The following CSTPP1 variants were observed in gnomAD, a reference collection of about 807,000 sequenced individuals.
The protein encoded by CSTPP1 is centriolar satellite-associated tubulin polyglutamylase complex regulator 1, also known as UPF0705 protein C11orf49.
At chr11:47,038,662 G>A in the CSTPP1 span, among the ~76,000 whole-genome samples, 2 of 122,936 alleles carry the variant, frequency 1.6e-5, no homozygotes, top group East Asian at 4.5e-4. Flanking sequence ...CGGACGGGGT[G>A]GCTGGCCGGG....
the CSTPP1 span, among the ~76,000 whole-genome samples, chr11:47,060,249 T>C: frequency 8.4e-6 from 1 of 119,312 alleles, no homozygotes; most frequent in Non-Finnish European, 1.7e-5. Context: ...ATTCTTTCTC[T>C]TTTCTTTTCT....
chr11:47,015,534 C>T, the CSTPP1 span, among the ~76,000 whole-genome samples: 1 of 151,882 alleles, frequency 6.6e-6, no homozygotes, highest in African/African-American at 2.4e-5. Flanking sequence ...ATATCAGAAA[C>T]TCCAGGCCCA....
the CSTPP1 span, among the ~76,000 whole-genome samples, chr11:47,074,897 G>A: frequency 1.3e-5 from 2 of 152,134 alleles, no homozygotes; most frequent in East Asian, 3.9e-4. Flanking sequence ...TTTTTAGTGT[G>A]TCCTCTGTGC....
chr11:46,977,292 A>T, the CSTPP1 span, among the ~76,000 whole-genome samples: 1 of 152,184 alleles, frequency 6.6e-6, no homozygotes, highest in Non-Finnish European at 1.5e-5. Context: ...CCAGGAATGG[A>T]TGAGGGAGGC....
At chr11:46,979,699 G>A in the CSTPP1 span, among the ~76,000 whole-genome samples, 10 of 151,550 alleles carry the variant, frequency 6.6e-5, no homozygotes, top group African/African-American at 2.2e-4. Context: ...GATCACCTGA[G>A]GTCAAGAGTT....
At chr11:47,044,545 C>G in the CSTPP1 span, among the ~76,000 whole-genome samples, 1 of 151,968 alleles carries the variant, frequency 6.6e-6, no homozygotes, top group African/African-American at 2.4e-5. Context: ...ACTATGAAGA[C>G]AGGTAAGAGG....
At chr11:47,103,724 G>A in the CSTPP1 span, 2 of 141,188 alleles carry the variant, frequency 1.4e-5, no homozygotes, top group African/African-American at 5.2e-5. Flanking sequence ...GCCTAGGCTG[G>A]AGTAAAGTGG....
At chr11:47,047,467 G>A in the CSTPP1 span, among the ~76,000 whole-genome samples, 1 of 152,182 alleles carries the variant, frequency 6.6e-6, no homozygotes, top group Admixed American at 6.5e-5. Flanking sequence ...TTCCTGCAAA[G>A]GTGCAATTCA....
chr11:47,070,433 G>T, the CSTPP1 span, among the ~76,000 whole-genome samples: 4 of 152,170 alleles, frequency 2.6e-5, no homozygotes, highest in Non-Finnish European at 4.4e-5. Context: ...TGGGGAGGTT[G>T]TCAAAAAGAC....
the CSTPP1 span, among the ~76,000 whole-genome samples, chr11:47,051,560 G>A: frequency 1.3e-5 from 2 of 152,050 alleles, no homozygotes; most frequent in African/African-American, 2.4e-5. Flanking sequence ...ATTTGTCTCT[G>A]GGGTTATTGT....
chr11:47,158,781 C>T, the CSTPP1 span, among the ~76,000 whole-genome samples: 8 of 152,196 alleles, frequency 5.3e-5, no homozygotes, highest in Admixed American at 2.0e-4. Flanking sequence ...GGGATCCCCT[C>T]ACCTTGCTCT....
At chr11:46,956,090 C>T in the CSTPP1 span, among the ~76,000 whole-genome samples, 3 of 151,292 alleles carry the variant, frequency 2.0e-5, no homozygotes, top group Admixed American at 6.6e-5. Flanking sequence ...TTTTTGCATA[C>T]ATCATTTAAG....
the CSTPP1 span, chr11:46,991,394 C>T: frequency 2.0e-5 from 3 of 152,186 alleles, no homozygotes; most frequent in South Asian, 6.2e-4. Context: ...AAGAAGCTTT[C>T]TGGGAGTAAA....
At chr11:46,958,056 A>T in the CSTPP1 span, among the ~76,000 whole-genome samples, 16 of 152,196 alleles carry the variant, frequency 1.1e-4, no homozygotes, top group African/African-American at 3.9e-4. Context: ...CTACCTCCTC[A>T]GCCTATTCAG....
At chr11:47,157,144 C>T in the CSTPP1 span, 11 of 1,613,450 alleles carry the variant, frequency 6.8e-6, no homozygotes, top group African/African-American at 5.3e-5. Context: ...TGGGCGGGGC[C>T]GGCACGCTGG....
chr11:46,982,686 T>TTCCTA, the CSTPP1 span, among the ~76,000 whole-genome samples: 303 of 152,284 alleles, frequency 2.0e-3, 1 homozygote, highest in African/African-American at 5.0e-3. Flanking sequence ...AGTTTAAAGG[T>TTCCTA]CATACCTGAA....
the CSTPP1 span, among the ~76,000 whole-genome samples, chr11:47,132,208 G>A: frequency 6.6e-6 from 1 of 152,132 alleles, no homozygotes; most frequent in East Asian, 1.9e-4. Flanking sequence ...AATGCCTCCT[G>A]TGCCTGGAGA....
chr11:47,099,446 C>G, the CSTPP1 span, among the ~76,000 whole-genome samples: 1 of 152,172 alleles, frequency 6.6e-6, no homozygotes, highest in East Asian at 1.9e-4. Flanking sequence ...AAGCCTTTAC[C>G]AGAGTGGTTG....
At chr11:47,070,117 A>C in the CSTPP1 span, among the ~76,000 whole-genome samples, 1 of 152,172 alleles carries the variant, frequency 6.6e-6, no homozygotes, top group Non-Finnish European at 1.5e-5. Context: ...CACAGTGCAC[A>C]TGCCGGTAAT....
Sources: allele counts gnomAD v4.1 joint callset (sites outside exome capture counted in the v4.1 genomes callset), GRCh38; gene constraint gnomAD v4.1.1; transcripts MANE v1.5; gene names NCBI Gene and HGNC (gene_info 2026-07-23, HGNC 2026-07-21).